Variants in ITGA9 observed in about 807,000 individuals in gnomAD.
ITGA9 encodes integrin alpha-9.
A neutral mutation model predicts 127.8 loss-of-function variants in ITGA9; 56 were observed. The ratio of observed to expected loss-of-function variants is 0.44; its 90% CI spans 0.35 to 0.55. ITGA9 has a LOEUF of 0.55. Among genes scored for constraint, ITGA9 ranks in the 20% least tolerant of loss-of-function variants. The pLI, the probability that ITGA9 is intolerant of heterozygous loss-of-function variation, is 0.00. For synonymous variants in ITGA9, 508 were observed against 514.5 expected (o/e 0.99, Z 0.17); for missense variants, 1,196 against 1,347.1 (o/e 0.89, Z 1.76).
At chr3:37,750,609 G>A in intron 23 of ITGA9, 40 bp downstream of exon 23, 2 of 1,414,954 alleles carry the variant, frequency 1.4e-6, no homozygotes. Flanking sequence ...TTTCAGCTTT[G>A]AGCCAGCCCA....
intron 1 of ITGA9, among the ~76,000 whole-genome samples, chr3:37,456,350 TC>T (rs1188781327): frequency 6.6e-6 from 1 of 152,202 alleles, no homozygotes; most frequent in Non-Finnish European, 1.5e-5. Context: ...TCTTCTGGCG[TC>T]CTTTGAACAA....
chr3:37,460,922 C>T (rs1413486024), intron 1 of ITGA9, among the ~76,000 whole-genome samples: 1 of 152,100 alleles, frequency 6.6e-6, no homozygotes, highest in African/African-American at 2.4e-5. Flanking sequence ...AATAAAAAAT[C>T]ACGGAACAAA....
chr3:37,600,000 A>G (rs981644601), intron 15 of ITGA9, among the ~76,000 whole-genome samples: 5 of 152,136 alleles, frequency 3.3e-5, no homozygotes, highest in African/African-American at 1.2e-4. Flanking sequence ...TATACTGGAA[A>G]TTTGGGAAAG....
At chr3:37,511,523 G>A (rs1048530734) in intron 8 of ITGA9, among the ~76,000 whole-genome samples, 2 of 152,212 alleles carry the variant, frequency 1.3e-5, no homozygotes, top group Non-Finnish European at 2.9e-5. Context: ...TAGTTCCCCT[G>A]GGGCTCAGCC....
chr3:37,522,633 G>A (rs1369648309), intron 11 of ITGA9, among the ~76,000 whole-genome samples: 1 of 151,762 alleles, frequency 6.6e-6, no homozygotes, highest in African/African-American at 2.4e-5. Flanking sequence ...TAAGGCGGGA[G>A]GATCACTTAA....
At chr3:37,624,819 C>G (rs1211869164) in intron 15 of ITGA9, among the ~76,000 whole-genome samples, 2 of 152,086 alleles carry the variant, frequency 1.3e-5, no homozygotes, top group Non-Finnish European at 2.9e-5. Flanking sequence ...GTTGGCCAGG[C>G]TGGTCTCAAA....
chr3:37,684,124 T>G (rs1700759363), intron 18 of ITGA9, 109 bp downstream of exon 18: 1 of 982,260 alleles, frequency 1.0e-6, no homozygotes, highest in Admixed American at 1.8e-5. Flanking sequence ...ATCCTTTCTG[T>G]GGACTATCAT....
At chr3:37,689,999 A>G (rs1407922643) in intron 18 of ITGA9, among the ~76,000 whole-genome samples, 1 of 152,266 alleles carries the variant, frequency 6.6e-6, no homozygotes, top group Non-Finnish European at 1.5e-5. Context: ...GCTGCTCTAC[A>G]GAGGTGCTGA....
intron 16 of ITGA9, among the ~76,000 whole-genome samples, chr3:37,650,607 T>A (rs1256659018): frequency 2.0e-5 from 3 of 151,842 alleles, no homozygotes; most frequent in East Asian, 1.9e-4. Flanking sequence ...AATTTTTGCA[T>A]TTTTAGTAGA....
intron 23 of ITGA9, among the ~76,000 whole-genome samples, chr3:37,766,698 T>C (rs1696783580): frequency 1.3e-5 from 2 of 152,228 alleles, no homozygotes; most frequent in Admixed American, 6.5e-5. Context: ...CCAAGGACCA[T>C]GTTTTGTCTC....
chr3:37,468,830 T>A (rs1698398473), intron 1 of ITGA9, among the ~76,000 whole-genome samples: 1 of 152,200 alleles, frequency 6.6e-6, no homozygotes. Flanking sequence ...GTGAGGTGAA[T>A]TCCCTCTCTT....
At chr3:37,663,312 A>G (rs1045945986) in intron 17 of ITGA9, among the ~76,000 whole-genome samples, 2 of 152,244 alleles carry the variant, frequency 1.3e-5, no homozygotes, top group Non-Finnish European at 2.9e-5. Context: ...GATGCATTCC[A>G]TCAGAAATCA....
intron 27 of ITGA9, among the ~76,000 whole-genome samples, chr3:37,810,944 C>T (rs1575249207): frequency 1.3e-5 from 2 of 152,262 alleles, no homozygotes; most frequent in East Asian, 3.8e-4. Flanking sequence ...AGACCAGCCC[C>T]TCATCTGCCT....
chr3:37,790,121 T>A, intron 26 of ITGA9: 8 of 558,966 alleles, frequency 1.4e-5, no homozygotes, highest in South Asian at 1.1e-4. Flanking sequence ...CCTTTGGGAA[T>A]GCTCTTAATA....
intron 15 of ITGA9, among the ~76,000 whole-genome samples, chr3:37,596,709 C>T (rs898451770): frequency 2.0e-5 from 3 of 151,970 alleles, no homozygotes; most frequent in South Asian, 2.1e-4. Flanking sequence ...ACCCAAAACA[C>T]AAGGGGTCTG....
intron 22 of ITGA9, among the ~76,000 whole-genome samples, chr3:37,744,759 G>A (rs903846011): frequency 6.6e-6 from 1 of 152,238 alleles, no homozygotes; most frequent in African/African-American, 2.4e-5. Flanking sequence ...TAGTTCAAAG[G>A]CAGCCATAGA....
chr3:37,585,746 C>A (rs1699753127), intron 15 of ITGA9: 2 of 470,930 alleles, frequency 4.2e-6, no homozygotes, highest in South Asian at 1.5e-5. Context: ...CACTAATATG[C>A]CTGACTCCAT....
At chr3:37,811,599 G>A (rs1348154730) in intron 27 of ITGA9, among the ~76,000 whole-genome samples, 2 of 151,970 alleles carry the variant, frequency 1.3e-5, no homozygotes, top group African/African-American at 4.8e-5. Flanking sequence ...CTCTGTCCTT[G>A]TTTGTTTGCA....
intron 8 of ITGA9, among the ~76,000 whole-genome samples, chr3:37,512,124 CTTTTCT>C (rs1698930079): frequency 1.3e-4 from 2 of 15,330 alleles, no homozygotes; most frequent in Non-Finnish European, 2.5e-4. Flanking sequence ...TTCCTTCTTT[CTTTTCT>C]TTTCTTTTCT....
Sources: allele counts gnomAD v4.1 joint callset (sites outside exome capture counted in the v4.1 genomes callset), GRCh38; gene constraint gnomAD v4.1.1; transcripts MANE v1.5; gene names NCBI Gene and HGNC (gene_info 2026-07-23, HGNC 2026-07-21).